The following ULK4 variants were observed in gnomAD, a reference collection of about 807,000 sequenced individuals.
The protein encoded by ULK4 is unc-51 like kinase 4.
Under a neutral mutation model 160.6 loss-of-function variants are expected in ULK4, and 133 were observed. That is an observed-to-expected ratio of 0.83 (90% CI 0.72 to 0.96). ULK4 has a LOEUF of 0.96. Among genes scored for constraint, ULK4 ranks in the 40% least tolerant of loss-of-function variants. ULK4 has a pLI of 0.00. For synonymous variants in ULK4, 534 were observed against 539.8 expected (o/e 0.99, Z 0.15); for missense variants, 1,580 against 1,499.5 (o/e 1.05, Z -0.89).
rs148723004 is a variant in ULK4, at chr3:41,375,532, C to T, written c.3678+22547G>A. Among the ~76,000 whole-genome samples, 771 of 150,172 alleles carry T rather than the reference C, an allele frequency of 5.1e-3. 53 individuals are homozygous for T. Among genetic ancestry groups the T allele is most frequent in the African/African-American group, 0.018 (723 of 40,292 alleles). ...CTGACAAAAACAAGCAATGGGCAAACGATTCCCTATTTAATAAATGGTGCT... is the reference window on the plus strand; with the variant it reads ...CTGACAAAAACAAGCAATGGGCAAATGATTCCCTATTTAATAAATGGTGCT... On this transcript the variant is annotated intron_variant, in intron 35 of 36. Transcript: ENST00000301831.
chr3:41,694,755 T>C (rs1559490475), intron 27 of ULK4, among the ~76,000 whole-genome samples: 1 of 152,242 alleles, frequency 6.6e-6, no homozygotes, highest in Non-Finnish European at 1.5e-5. Flanking sequence ...ATAGTTGTTA[T>C]ACTCTATTTT....
At chr3:41,867,131 T>C (rs150427508) in intron 17 of ULK4, among the ~76,000 whole-genome samples, 15 of 152,360 alleles carry the variant, frequency 9.8e-5, no homozygotes, top group African/African-American at 3.4e-4. Context: ...ATCGAGTTCA[T>C]TGAGTTCAGC....
chr3:41,709,684 C>T (rs959422292), intron 25 of ULK4, among the ~76,000 whole-genome samples: 1 of 151,774 alleles, frequency 6.6e-6, no homozygotes, highest in African/African-American at 2.4e-5. Context: ...CATGCCTGGC[C>T]GAGTTAATTT....
chr3:41,960,327 C>T (rs1241564861), intron 1 of ULK4, among the ~76,000 whole-genome samples: 1 of 152,006 alleles, frequency 6.6e-6, no homozygotes, highest in Admixed American at 6.6e-5. Context: ...CTCTCTAAGG[C>T]TGTTTCCTTA....
intron 32 of ULK4, among the ~76,000 whole-genome samples, chr3:41,535,656 T>C (rs1243335219): frequency 6.6e-6 from 1 of 151,518 alleles, no homozygotes; most frequent in Non-Finnish European, 1.5e-5. Context: ...AGACTCCTCA[T>C]GTGGTCGTGC....
At chr3:41,960,174 G>C (rs1165269114) in intron 1 of ULK4, among the ~76,000 whole-genome samples, 2 of 151,822 alleles carry the variant, frequency 1.3e-5, no homozygotes, top group Non-Finnish European at 2.9e-5. Flanking sequence ...TTTTGAATTT[G>C]ATTTAGGCCA....
chr3:41,539,466 T>C (rs545685802), intron 32 of ULK4, among the ~76,000 whole-genome samples: 7 of 152,260 alleles, frequency 4.6e-5, no homozygotes, highest in Non-Finnish European at 5.9e-5. Flanking sequence ...GTTACCCTAC[T>C]ACTCTCCAAC....
chr3:41,836,030 C>G, intron 17 of ULK4, 59 bp from the exon 18 acceptor site: 7 of 1,197,648 alleles, frequency 5.8e-6, no homozygotes, highest in Non-Finnish European at 8.4e-6. Context: ...AGTTCTTAAA[C>G]CTATATGTAA....
intron 31 of ULK4, among the ~76,000 whole-genome samples, chr3:41,595,068 CTAAGA>C (rs1243632127): frequency 1.3e-5 from 2 of 152,180 alleles, no homozygotes; most frequent in African/African-American, 4.8e-5. Context: ...TCTATAAAGT[CTAAGA>C]TATTTTTAAA....
chr3:41,950,703 T>G (rs1576007539), intron 2 of ULK4, among the ~76,000 whole-genome samples: 1 of 151,726 alleles, frequency 6.6e-6, no homozygotes, highest in East Asian at 2.0e-4. Context: ...TTTCTATACA[T>G]TAACAAATGT....
chr3:41,490,324 G>C (rs2084704934), intron 32 of ULK4, among the ~76,000 whole-genome samples: 1 of 152,130 alleles, frequency 6.6e-6, no homozygotes, highest in African/African-American at 2.4e-5. Flanking sequence ...CAGCATTCAA[G>C]TTCCTCCACA....
At chr3:41,618,858 G>C (rs1189741428) in intron 30 of ULK4, among the ~76,000 whole-genome samples, 1 of 151,888 alleles carries the variant, frequency 6.6e-6, no homozygotes, top group African/African-American at 2.4e-5. Context: ...AGACCCATTG[G>C]GGTGCTGTAT....
At chr3:41,431,934 C>T (rs1287504957) in intron 34 of ULK4, among the ~76,000 whole-genome samples, 2 of 151,642 alleles carry the variant, frequency 1.3e-5, no homozygotes, top group East Asian at 1.9e-4. Flanking sequence ...GGACTACAGG[C>T]GCCGGCCACC....
intron 23 of ULK4, among the ~76,000 whole-genome samples, chr3:41,717,165 T>G (rs573034315): frequency 1.3e-5 from 2 of 152,262 alleles, no homozygotes; most frequent in African/African-American, 4.8e-5. Context: ...TTAACAAAAA[T>G]GTATTATAGG....
intron 30 of ULK4, among the ~76,000 whole-genome samples, chr3:41,657,818 T>TAAAAAAAAAAAA (rs60281588): frequency 0.054 from 5,298 of 98,686 alleles, 426 homozygotes; most frequent in African/African-American, 0.075. Flanking sequence ...TCCATCTCAT[T>TAAAAAAAAAAAA]AAAAAAAAAA....
chr3:41,721,917 C>A (rs1336531716), intron 22 of ULK4, among the ~76,000 whole-genome samples: 1 of 152,136 alleles, frequency 6.6e-6, no homozygotes, highest in Non-Finnish European at 1.5e-5. Flanking sequence ...GTGTCCATTA[C>A]AATTCCTAGA....
chr3:41,716,430 G>A (rs1244853769), intron 23 of ULK4, among the ~76,000 whole-genome samples: 1 of 151,974 alleles, frequency 6.6e-6, no homozygotes, highest in East Asian at 1.9e-4. Context: ...GATAAGTCCG[G>A]TAATAAAGAA....
intron 32 of ULK4, among the ~76,000 whole-genome samples, chr3:41,547,591 T>C (rs2086907963): frequency 6.6e-6 from 1 of 152,100 alleles, no homozygotes; most frequent in South Asian, 2.1e-4. Context: ...GTCCAGGCAA[T>C]GGCACCGCTC....
chr3:41,270,776 C>T (rs1201231124), intron 35 of ULK4, among the ~76,000 whole-genome samples: 2 of 152,242 alleles, frequency 1.3e-5, no homozygotes, highest in African/African-American at 2.4e-5. Flanking sequence ...AATTAAAAAC[C>T]TTCCATGGAG....
Sources: gnomAD v4.1 joint callset for allele counts (sites outside exome capture counted in the v4.1 genomes callset) on GRCh38, gnomAD v4.1.1 for gene constraint, MANE v1.5 for transcripts, NCBI Gene and HGNC (gene_info 2026-07-23, HGNC 2026-07-21) for gene names.